BBS12: variants seen among roughly 807,000 people sequenced by gnomAD.
BBS12 encodes the protein chaperonin-containing T-complex member BBS12.
BBS12 carries 5 observed loss-of-function variants against 5.6 expected under a neutral mutation model. That is an observed-to-expected ratio of 0.89 (90% CI 0.46 to 1.86). The LOEUF (loss-of-function observed/expected upper bound fraction) is 1.86, where lower values mean the gene tolerates loss of function less well. Among genes scored for constraint, BBS12 ranks in the 40% most tolerant of loss-of-function variants. The pLI is 0.01. For missense variants in BBS12, 748 were observed against 830.4 expected (o/e 0.90, Z 1.22); for synonymous variants, 308 against 306.8 (o/e 1.00, Z -0.04).
the BBS12 span, among the ~76,000 whole-genome samples, chr4:122,726,025 T>G: frequency 6.6e-6 from 1 of 151,458 alleles, no homozygotes; most frequent in East Asian, 1.9e-4. Context: ...AAAGACTTCA[T>G]GACCAAGAAC....
intron 1 of BBS12, among the ~76,000 whole-genome samples, chr4:122,736,202 G>T (rs548574705): frequency 6.6e-6 from 1 of 152,266 alleles, no homozygotes; most frequent in Non-Finnish European, 1.5e-5. Flanking sequence ...CAAGTGAAAT[G>T]GGTAGGCCTT....
chr4:122,739,404 G>A (rs542746000), intron 1 of BBS12, among the ~76,000 whole-genome samples: 301 of 152,290 alleles, frequency 2.0e-3, no homozygotes, highest in African/African-American at 6.3e-3. Flanking sequence ...CCTGTGGCTG[G>A]ATGTCCCACA....
the BBS12 span, among the ~76,000 whole-genome samples, chr4:122,713,495 CT>C: frequency 6.6e-6 from 1 of 151,920 alleles, no homozygotes; most frequent in Non-Finnish European, 1.5e-5. Flanking sequence ...AAGCAAGACC[CT>C]ATCTCTAAAT....
intron 1 of BBS12, among the ~76,000 whole-genome samples, chr4:122,737,226 G>C (rs1408343800): frequency 6.6e-6 from 1 of 152,140 alleles, no homozygotes; most frequent in Non-Finnish European, 1.5e-5. Context: ...TATGAATAAG[G>C]TTTGGAAGAA....
In BBS12 at chr4:122,743,351, A is replaced by C. The variant is rs772894742; in HGVS notation, c.1459A>C (p.Arg487=). 17 of 1,614,118 alleles carry C rather than the reference A, an allele frequency of 1.1e-5. No homozygotes were observed. Among genetic ancestry groups the C allele is most frequent in the Non-Finnish European group, 1.4e-5 (16 of 1,180,046 alleles). Residue 487 remains arginine (R), a synonymous_variant, in exon 2 of 2, where the codon AGA becomes CGA. Transcript: ENST00000314218. ...TTTGGATGTTGTAGATAGGAACAAC[A>C]GAATCGCAATCTTATTAAAAACAGA... is the stretch of plus-strand genomic sequence containing the variant. ...SPLDVVDRNN[R]IAILLKTEGI...
At chr4:122,727,602 G>A in the BBS12 span, among the ~76,000 whole-genome samples, 1 of 128,090 alleles carries the variant, frequency 7.8e-6, no homozygotes, top group Non-Finnish European at 1.6e-5. Flanking sequence ...TGCCCAGGCT[G>A]GAGTGCAATG....
chr4:122,725,897 CAAA>C, the BBS12 span, among the ~76,000 whole-genome samples: 51 of 52,522 alleles, frequency 9.7e-4, no homozygotes, highest in African/African-American at 3.1e-3. Flanking sequence ...GACTCTGTCT[CAAA>C]AAAAAAAAAA....
At chr4:122,737,097 T>G (rs1800793027) in intron 1 of BBS12, among the ~76,000 whole-genome samples, 1 of 152,226 alleles carries the variant, frequency 6.6e-6, no homozygotes, top group African/African-American at 2.4e-5. Flanking sequence ...AGCCCATGAC[T>G]GTTTCCATTC....
the BBS12 span, among the ~76,000 whole-genome samples, chr4:122,720,383 G>T: frequency 2.6e-5 from 4 of 152,096 alleles, no homozygotes; most frequent in African/African-American, 9.7e-5. Flanking sequence ...CCCAGGAGGC[G>T]GAGGTTGCAG....
intron 1 of BBS12, among the ~76,000 whole-genome samples, chr4:122,734,466 C>T (rs1800756658): frequency 6.6e-6 from 1 of 152,068 alleles, no homozygotes; most frequent in South Asian, 2.1e-4. Flanking sequence ...CGGAGTTTCA[C>T]CGTATTAGCC....
At position 122,738,462 on chromosome 4, in the gene BBS12, G is replaced by A. The variant is rs143866864; in HGVS notation, c.-10-3421G>A. ...CCTGACCTCATGATCTGCCCACCTTGGCCTCCCAAAGTGCTGGGATTACAG... is the reference window on the plus strand; with the variant it reads ...CCTGACCTCATGATCTGCCCACCTTAGCCTCCCAAAGTGCTGGGATTACAG... On this transcript the variant is annotated intron_variant, in intron 1 of 1. Coordinates refer to ENST00000314218, the MANE Select transcript of BBS12 (RefSeq NM_152618.3). Among the ~76,000 whole-genome samples the A allele has an allele frequency of 3.7e-3, 567 of 152,186 alleles. 10 individuals carry two copies. The highest frequency in any genetic ancestry group is 0.012 in the African/African-American group (509 of 41,522).
chr4:122,743,942 C>G lies in BBS12; in HGVS notation c.2050C>G (p.Leu684Val). Residue 684 changes from leucine to valine, a missense_variant, in exon 2 of 2, where the codon CTT becomes GTT. Physicochemically the swap from Leu to Val is conservative, Grantham distance 32 (BLOSUM62 1). Transcript: ENST00000314218. Reference sequence around the variant, plus strand: ...AGCATTGGATTTAGTATTGTTAGTACTTCAGACAGACAGTGAAATAATTAC... The same window carrying G: ...AGCATTGGATTTAGTATTGTTAGTAGTTCAGACAGACAGTGAAATAATTAC... ...RRALDLVLLV[L>V]QTDSEIITGH... The G allele has an allele frequency of 6.2e-7, 1 of 1,612,612 alleles. No homozygotes were observed. The highest frequency in any genetic ancestry group is 1.1e-5 in the South Asian group (1 of 90,682).
the BBS12 span, among the ~76,000 whole-genome samples, chr4:122,717,513 T>G: frequency 0.01 from 1,533 of 152,342 alleles, 14 homozygotes; most frequent in Non-Finnish European, 0.018. Flanking sequence ...AATCACCATT[T>G]AATTCACTTT....
the BBS12 span, among the ~76,000 whole-genome samples, chr4:122,702,703 C>T: frequency 6.6e-6 from 1 of 152,180 alleles, no homozygotes; most frequent in Non-Finnish European, 1.5e-5. Context: ...ATGTTAGCAC[C>T]TCCTCATCAG....
In BBS12 at chr4:122,743,853, A is replaced by G. The variant is rs749009228; in HGVS notation, c.1961A>G (p.Asn654Ser). 6 of 1,606,030 alleles carry G rather than the reference A, an allele frequency of 3.7e-6. No homozygotes were observed. In the South Asian group the frequency reaches 6.7e-5, roughly 18 times the overall value. The change falls in exon 2 of 2, where the codon AAT becomes AGT. Residue 654 changes from asparagine to serine, a missense_variant. Physicochemically the swap from Asn to Ser is conservative, Grantham distance 46 (BLOSUM62 1). Transcript: ENST00000314218. ...AGAATTTTTAATTCAGACATTTCAA[A>G]TAAACTGGAGCAGATTCCGAGAGTT... ...NSRIFNSDIS[N>S]KLEQIPRVYD...
the BBS12 span, among the ~76,000 whole-genome samples, chr4:122,718,442 TATATAAAACAAC>T: frequency 2.6e-5 from 4 of 152,098 alleles, no homozygotes; most frequent in Admixed American, 6.6e-5. Flanking sequence ...TAAAAACTAA[TATATAAAACAAC>T]TGTGTGAAGA....
the BBS12 span, among the ~76,000 whole-genome samples, chr4:122,716,670 TG>T: frequency 1.6e-5 from 1 of 62,094 alleles, no homozygotes; most frequent in African/African-American, 7.5e-5. Context: ...CATACACATA[TG>T]TGTATATATA....
At chr4:122,739,563 A>C (rs1800834488) in intron 1 of BBS12, among the ~76,000 whole-genome samples, 1 of 152,242 alleles carries the variant, frequency 6.6e-6, no homozygotes, top group African/African-American at 2.4e-5. Flanking sequence ...TTGGGCTTGA[A>C]AGTTGAAGAG....
chr4:122,742,962 T>A lies in BBS12; in HGVS notation c.1070T>A (p.Val357Asp). Residue 357 changes from valine (V) to aspartate (D), a missense_variant, in exon 2 of 2, where the codon GTT becomes GAT. Val to Asp is a radical substitution (Grantham distance 152). Coordinates refer to ENST00000314218, the MANE Select transcript of BBS12 (RefSeq NM_152618.3). Reference sequence around the variant, plus strand: ...TTGCAGAATCAGCCTGTGCGAATAGTTCTCATTGAGGGTGACCTCACAGAG... The same window carrying A: ...TTGCAGAATCAGCCTGTGCGAATAGATCTCATTGAGGGTGACCTCACAGAG... Reference protein sequence around the residue: ...KELQNQPVRIVLIEGDLTENY... With the variant: ...KELQNQPVRIDLIEGDLTENY... 3.7e-6 allele frequency: 6 copies of A among 1,614,224 alleles called. No individual in the cohort carries two copies. Among genetic ancestry groups the A allele is most frequent in the Non-Finnish European group, 5.1e-6 (6 of 1,180,024 alleles).
Sources: allele counts gnomAD v4.1 joint callset (sites outside exome capture counted in the v4.1 genomes callset), GRCh38; gene constraint gnomAD v4.1.1; transcripts MANE v1.5; gene names NCBI Gene and HGNC (gene_info 2026-07-23, HGNC 2026-07-21).